FGF7: variants seen among roughly 807,000 people sequenced by gnomAD.
FGF7 encodes the protein FGF-7.
FGF7 carries 6 observed loss-of-function variants against 20.5 expected under a neutral mutation model. The ratio of observed to expected loss-of-function variants is 0.29; its 90% CI spans 0.16 to 0.58. The LOEUF (loss-of-function observed/expected upper bound fraction) is 0.58. FGF7 is among the 20% of genes least tolerant of loss of function. The pLI, the probability that FGF7 is intolerant of heterozygous loss-of-function variation, is 0.90. For missense variants in FGF7, 144 were observed against 228.8 expected, an observed-to-expected ratio of 0.63 and a Z score of 2.39; for synonymous variants, 64 against 74.7, an observed-to-expected ratio of 0.86 and a Z score of 0.74.
At chr15:49,423,757 T>C (rs2049887460) in intron 1 of FGF7, among the ~76,000 whole-genome samples, 1 of 152,122 alleles carries the variant, frequency 6.6e-6, no homozygotes, top group East Asian at 1.9e-4. Flanking sequence ...TTTAAATCAA[T>C]AGTTCTGAGT....
At position 49,460,214 on chromosome 15, in the gene FGF7, TA is replaced by T. The variant is rs775204588; in HGVS notation, c.287-22928del. Among the ~76,000 whole-genome samples the T allele has an allele frequency of 1.9e-3, 292 of 151,186 alleles. 2 individuals are homozygous for T. Among genetic ancestry groups the T allele is most frequent in the African/African-American group, 6.8e-3 (279 of 41,236 alleles). On this transcript the variant is annotated intron_variant, in intron 2 of 3. Coordinates refer to ENST00000267843, the MANE Select transcript of FGF7 (RefSeq NM_002009.4). ...CCTGCCAAAGTTACTTCTGAAGCCT[TA>T]AAAAAAAAGTCCAAAAAACTCAGTG...
chr15:49,486,829 A>G lies in FGF7; in HGVS notation c.*2325A>G, dbSNP rs1346441144. On this transcript the variant is annotated 3_prime_UTR_variant, in exon 4 of 4. Coordinates refer to ENST00000267843, the MANE Select transcript of FGF7 (RefSeq NM_002009.4). ...TTAAATTTATTATGCAAATTTTAGA[A>G]AATAAAATTTGCTCTAGTTACACAC... 1 of 151,892 alleles carries G rather than the reference A, an allele frequency of 6.6e-6. No homozygotes were observed. Among genetic ancestry groups the G allele is most frequent in the Non-Finnish European group, 1.5e-5 (1 of 67,908 alleles). The allele number at this position is 151,892 out of a possible 1,614,324, so 9.4% of individuals were successfully genotyped here.
chr15:49,442,293 T>C (rs2051732212), intron 2 of FGF7, among the ~76,000 whole-genome samples: 1 of 151,700 alleles, frequency 6.6e-6, no homozygotes, highest in East Asian at 1.9e-4. Context: ...CTAGAATTTT[T>C]CTTCTCAGTA....
At chr15:49,454,713 G>A (rs911491847) in intron 2 of FGF7, among the ~76,000 whole-genome samples, 1 of 152,098 alleles carries the variant, frequency 6.6e-6, no homozygotes, top group African/African-American at 2.4e-5. Flanking sequence ...GAATTCAAGC[G>A]ATTCTCCTGC....
intron 2 of FGF7, among the ~76,000 whole-genome samples, chr15:49,474,031 A>C (rs1186666656): frequency 6.6e-6 from 1 of 152,168 alleles, no homozygotes; most frequent in Non-Finnish European, 1.5e-5. Context: ...TACTAACCTA[A>C]AACAAAATGT....
intron 2 of FGF7, among the ~76,000 whole-genome samples, chr15:49,466,292 G>A (rs560115986): frequency 2.1e-4 from 32 of 152,162 alleles, no homozygotes; most frequent in Non-Finnish European, 4.4e-4. Context: ...ATCAGTCCAT[G>A]AGGCAATATT....
At chr15:49,470,054 A>G (rs2054598841) in intron 2 of FGF7, among the ~76,000 whole-genome samples, 1 of 152,154 alleles carries the variant, frequency 6.6e-6, no homozygotes, top group African/African-American at 2.4e-5. Flanking sequence ...GTAAAATTTA[A>G]GCCCTGCATA....
At chr15:49,456,304 A>G (rs955881010) in intron 2 of FGF7, among the ~76,000 whole-genome samples, 3 of 152,094 alleles carry the variant, frequency 2.0e-5, no homozygotes, top group African/African-American at 7.2e-5. Flanking sequence ...AGAAGTACAA[A>G]GTGCAGAGTT....
At chr15:49,480,267 G>A (rs1445068808) in intron 2 of FGF7, among the ~76,000 whole-genome samples, 2 of 151,974 alleles carry the variant, frequency 1.3e-5, no homozygotes, top group African/African-American at 4.8e-5. Context: ...CCTAATATGT[G>A]GAGGGATAAG....
chr15:49,430,237 T>C (rs996765084), intron 2 of FGF7, among the ~76,000 whole-genome samples: 2 of 151,942 alleles, frequency 1.3e-5, no homozygotes, highest in Admixed American at 1.3e-4. Flanking sequence ...ATAGGTTCTG[T>C]ACCACAGCCT....
At chr15:49,461,109 A>G (rs897314940) in intron 2 of FGF7, among the ~76,000 whole-genome samples, 4 of 152,118 alleles carry the variant, frequency 2.6e-5, no homozygotes, top group Non-Finnish European at 4.4e-5. Context: ...TGACTTAAAT[A>G]TCTCTTCCAT....
At chr15:49,430,715 T>C (rs565432541) in intron 2 of FGF7, among the ~76,000 whole-genome samples, 2 of 151,858 alleles carry the variant, frequency 1.3e-5, no homozygotes, top group South Asian at 4.2e-4. Flanking sequence ...GCTGAAATCA[T>C]TTTTTCTAAC....
intron 2 of FGF7, among the ~76,000 whole-genome samples, chr15:49,459,707 T>C (rs2053622313): frequency 6.6e-6 from 1 of 152,180 alleles, no homozygotes; most frequent in South Asian, 2.1e-4. Flanking sequence ...GTACACATTT[T>C]CAGGGGCCAA....
chr15:49,445,551 T>G (rs1157695544), intron 2 of FGF7, among the ~76,000 whole-genome samples: 3 of 151,568 alleles, frequency 2.0e-5, no homozygotes, highest in African/African-American at 7.3e-5. Flanking sequence ...CTAGTTTGGT[T>G]CAGATAAATG....
At chr15:49,427,835 G>C (rs2050258913) in intron 2 of FGF7, among the ~76,000 whole-genome samples, 1 of 151,944 alleles carries the variant, frequency 6.6e-6, no homozygotes, top group African/African-American at 2.4e-5. Context: ...TAGATGGTTG[G>C]AGGGCATGGA....
chr15:49,441,075 A>T (rs1266248361), intron 2 of FGF7, among the ~76,000 whole-genome samples: 4 of 151,762 alleles, frequency 2.6e-5, no homozygotes, highest in Non-Finnish European at 5.9e-5. Context: ...ACAACTTTAA[A>T]ATGAATGAGT....
intron 2 of FGF7, among the ~76,000 whole-genome samples, chr15:49,458,352 G>GT (rs1266874634): frequency 6.6e-6 from 1 of 152,000 alleles, no homozygotes; most frequent in African/African-American, 2.4e-5. Flanking sequence ...TTGGCTTTGA[G>GT]TCATCTTTAA....
At chr15:49,480,237 G>T (rs2055806225) in intron 2 of FGF7, among the ~76,000 whole-genome samples, 2 of 152,028 alleles carry the variant, frequency 1.3e-5, no homozygotes, top group Admixed American at 6.5e-5. Context: ...TCTTTACAAA[G>T]AATTTTTGGT....
chr15:49,452,287 A>C (rs757114262), intron 2 of FGF7, among the ~76,000 whole-genome samples: 3 of 152,214 alleles, frequency 2.0e-5, no homozygotes, highest in Non-Finnish European at 4.4e-5. Context: ...TCCTGACCTC[A>C]AGTTATCTGC....
Sources: allele counts gnomAD v4.1 joint callset (sites outside exome capture counted in the v4.1 genomes callset), GRCh38; gene constraint gnomAD v4.1.1; transcripts MANE v1.5; gene names NCBI Gene and HGNC (gene_info 2026-07-23, HGNC 2026-07-21).